Variants in CDH13 observed in about 807,000 individuals in gnomAD.
CDH13 encodes the protein cadherin 13.
CDH13 carries 24 observed loss-of-function variants against 63.8 expected under a neutral mutation model. The ratio of observed to expected loss-of-function variants is 0.38; its 90% CI spans 0.27 to 0.53. The LOEUF is 0.53. Among genes scored for constraint, CDH13 ranks in the 20% least tolerant of loss-of-function variants. CDH13 has a pLI of 0.85. For synonymous variants in CDH13, 503 were observed against 355.3 expected (o/e 1.42, Z -4.67); for missense variants, 1,049 against 903.1 (o/e 1.16, Z -2.07).
At chr16:83,478,218 G>A (rs1364734971) in intron 6 of CDH13, among the ~76,000 whole-genome samples, 1 of 151,844 alleles carries the variant, frequency 6.6e-6, no homozygotes, top group Non-Finnish European at 1.5e-5. Context: ...CAGACATGCA[G>A]TAATTCCTTT....
intron 3 of CDH13, among the ~76,000 whole-genome samples, chr16:83,037,794 G>C (rs1916996004): frequency 6.6e-6 from 1 of 152,288 alleles, no homozygotes; most frequent in South Asian, 2.1e-4. Flanking sequence ...CTTACTCATT[G>C]TGTGACTTGG....
At chr16:83,477,132 G>C (rs948505773) in intron 6 of CDH13, among the ~76,000 whole-genome samples, 11 of 152,248 alleles carry the variant, frequency 7.2e-5, no homozygotes, top group African/African-American at 2.7e-4. Context: ...GCAGACACTG[G>C]AGGCTGAACT....
Position 82,691,409 on chromosome 16 carries a change from A to C in CDH13, c.45+64272A>C, listed in dbSNP as rs373058660. On this transcript the variant is annotated intron_variant, in intron 1 of 13. Transcript: ENST00000567109. ...CATACCCAGGAAAAATCTTCAAGCT[A>C]TAGGGGTGAAAGTTGGTGAATGGGT... Among the ~76,000 whole-genome samples, 100 of 152,254 alleles carry C rather than the reference A, an allele frequency of 6.6e-4. 3 individuals carry two copies. The South Asian group carries it at 0.02, about 30-fold the overall frequency.
At chr16:83,342,256 T>G (rs1042094897) in intron 5 of CDH13, among the ~76,000 whole-genome samples, 1 of 152,202 alleles carries the variant, frequency 6.6e-6, no homozygotes. Context: ...TCTCATATCC[T>G]TCATAGCCCT....
intron 4 of CDH13, among the ~76,000 whole-genome samples, chr16:83,200,019 G>A (rs959769485): frequency 1.3e-5 from 2 of 152,182 alleles, no homozygotes; most frequent in African/African-American, 2.4e-5. Flanking sequence ...CCCATGGGGA[G>A]ACAGTGGCTG....
intron 2 of CDH13, among the ~76,000 whole-genome samples, chr16:83,003,677 A>G (rs562700865): frequency 1.9e-4 from 29 of 152,314 alleles, no homozygotes; most frequent in African/African-American, 6.7e-4. Flanking sequence ...GATGAACTAA[A>G]ACTTAACTTA....
intron 4 of CDH13, among the ~76,000 whole-genome samples, chr16:83,128,644 T>G (rs1486864041): frequency 6.6e-6 from 1 of 152,268 alleles, no homozygotes; most frequent in East Asian, 1.9e-4. Flanking sequence ...TATAGTTTTC[T>G]TCAATTACAC....
intron 6 of CDH13, among the ~76,000 whole-genome samples, chr16:83,470,053 A>G (rs1312946988): frequency 1.3e-5 from 2 of 152,180 alleles, no homozygotes; most frequent in African/African-American, 4.8e-5. Context: ...ACAGTACAAG[A>G]TATCCTGCTT....
chr16:83,309,198 C>T (rs746548137), intron 5 of CDH13, among the ~76,000 whole-genome samples: 49 of 152,296 alleles, frequency 3.2e-4, no homozygotes, highest in Non-Finnish European at 4.7e-4. Flanking sequence ...ATACCGAGTG[C>T]TTGCCTACCA....
intron 6 of CDH13, among the ~76,000 whole-genome samples, chr16:83,484,469 A>C (rs1350300576): frequency 6.6e-6 from 1 of 152,240 alleles, no homozygotes; most frequent in African/African-American, 2.4e-5. Context: ...GCCCTAATCC[A>C]AATGTGGTAG....
intron 7 of CDH13, among the ~76,000 whole-genome samples, chr16:83,602,108 A>AC (rs1907880567): frequency 8.9e-5 from 1 of 11,188 alleles, no homozygotes; most frequent in Non-Finnish European, 1.7e-4. Flanking sequence ...GAACAACAAC[A>AC]AAAAAAAAAA....
At chr16:82,925,194 A>G (rs1359711156) in intron 2 of CDH13, among the ~76,000 whole-genome samples, 3 of 152,138 alleles carry the variant, frequency 2.0e-5, no homozygotes, top group Non-Finnish European at 4.4e-5. Flanking sequence ...TCTCAGTAAT[A>G]CCATCAGCTC....
chr16:82,900,903 G>A (rs796999773), intron 2 of CDH13, among the ~76,000 whole-genome samples: 13 of 152,286 alleles, frequency 8.5e-5, no homozygotes, highest in African/African-American at 2.6e-4. Context: ...AAACCAAAAC[G>A]AGCAGGGAAA....
intron 2 of CDH13, among the ~76,000 whole-genome samples, chr16:82,924,071 G>A (rs575974313): frequency 6.6e-6 from 1 of 152,342 alleles, no homozygotes; most frequent in African/African-American, 2.4e-5. Flanking sequence ...TTCAATCAAA[G>A]TTGATGGAGA....
chr16:83,180,149 T>C (rs2038291019), intron 4 of CDH13, among the ~76,000 whole-genome samples: 1 of 147,002 alleles, frequency 6.8e-6, no homozygotes, highest in Non-Finnish European at 1.5e-5. Context: ...GTTTTTTTTG[T>C]TGTTGTTGGT....
intron 3 of CDH13, among the ~76,000 whole-genome samples, chr16:83,077,825 C>T (rs1382315547): frequency 6.6e-6 from 1 of 152,128 alleles, no homozygotes; most frequent in Non-Finnish European, 1.5e-5. Context: ...CCGGATAACG[C>T]GTGAGAGCAG....
intron 6 of CDH13, among the ~76,000 whole-genome samples, chr16:83,481,522 C>T (rs1458657012): frequency 6.6e-6 from 1 of 152,170 alleles, no homozygotes; most frequent in Non-Finnish European, 1.5e-5. Flanking sequence ...AACCAGGCGG[C>T]ACTTGCTTTA....
chr16:83,523,526 C>G (rs531610325), intron 7 of CDH13, among the ~76,000 whole-genome samples: 1 of 152,300 alleles, frequency 6.6e-6, no homozygotes, highest in Non-Finnish European at 1.5e-5. Flanking sequence ...ACCCTGCCAA[C>G]CAGTGCCCCC....
chr16:82,700,494 G>T (rs1280458223), intron 1 of CDH13, among the ~76,000 whole-genome samples: 1 of 150,106 alleles, frequency 6.7e-6, no homozygotes, highest in Admixed American at 6.7e-5. Context: ...TTATTATTAA[G>T]GAAGATACAA....
Sources: allele counts gnomAD v4.1 joint callset (sites outside exome capture counted in the v4.1 genomes callset), GRCh38; gene constraint gnomAD v4.1.1; transcripts MANE v1.5; gene names NCBI Gene and HGNC (gene_info 2026-07-23, HGNC 2026-07-21).